The following XPO4 variants were observed in gnomAD, a reference collection of about 807,000 sequenced individuals.
XPO4 encodes exportin-4.
XPO4 carries 39 observed loss-of-function variants against 143.0 expected under a neutral mutation model. The ratio of observed to expected loss-of-function variants is 0.27; its 90% CI spans 0.21 to 0.36. XPO4 has a LOEUF of 0.36. XPO4 is among the 10% of genes least tolerant of loss of function. The pLI, the probability that XPO4 is intolerant of heterozygous loss-of-function variation, is 1.00. For missense variants in XPO4, 907 were observed against 1,348.0 expected, an observed-to-expected ratio of 0.67 and a Z score of 5.12; for synonymous variants, 439 against 474.0, an observed-to-expected ratio of 0.93 and a Z score of 0.96.
At chr13:20,786,914 C>G in intron 22 of XPO4, 51 bp downstream of exon 22, 1 of 1,471,786 alleles carries the variant, frequency 6.8e-7, no homozygotes, top group Non-Finnish European at 9.2e-7. Flanking sequence ...TCAACAATCT[C>G]TTTGCAAAAT....
intron 2 of XPO4, chr13:20,866,216 C>T: frequency 1.0e-6 from 1 of 985,204 alleles, no homozygotes; most frequent in Non-Finnish European, 1.2e-6. Flanking sequence ...AATGCACAAG[C>T]ATGCCACATG....
In XPO4 at chr13:20,862,756, A is replaced by G; in HGVS notation, c.278T>C (p.Leu93Pro). 6.2e-7 allele frequency: 1 copy of G among 1,614,208 alleles called. No individual in the cohort carries two copies. Among genetic ancestry groups the G allele is most frequent in the Non-Finnish European group, 8.5e-7 (1 of 1,180,028 alleles). Residue 93 changes from leucine to proline, a missense_variant, in exon 3 of 23, where the codon CTG becomes CCG. Transcript: ENST00000255305. ...GACATAGGTTAAAAGGAATGTTCGC[A>G]GAGACTCGATGCTACCTTTTTCCAA... The part of the protein sequence containing the change: ...ILLEKGSIES[L>P]RTFLLTYVLQ...
chr13:20,899,806 T>A (rs1185942891), intron 1 of XPO4, among the ~76,000 whole-genome samples: 3 of 152,178 alleles, frequency 2.0e-5, no homozygotes, highest in Non-Finnish European at 4.4e-5. Context: ...ACAGTTAAAA[T>A]ACAGCAATTT....
At chr13:20,836,829 T>C (rs1033178394) in intron 6 of XPO4, among the ~76,000 whole-genome samples, 9 of 152,368 alleles carry the variant, frequency 5.9e-5, no homozygotes, top group Non-Finnish European at 1.2e-4. Context: ...CCTCCTACTT[T>C]GTTCCAATCA....
intron 13 of XPO4, among the ~76,000 whole-genome samples, chr13:20,802,729 C>T (rs2059450891): frequency 6.6e-6 from 1 of 151,992 alleles, no homozygotes; most frequent in Non-Finnish European, 1.5e-5. Context: ...TTTTTATGTT[C>T]CAGTATTTTG....
chr13:20,799,475 G>A lies in XPO4; in HGVS notation c.2148-136C>T. The A allele has an allele frequency of 4.2e-6, 3 of 721,350 alleles. No homozygotes were observed. In the East Asian group the frequency reaches 8.6e-5, roughly 21 times the overall value. The allele number at this position is 721,350 out of a possible 1,614,324, so 44.7% of individuals were successfully genotyped here. On this transcript the variant is annotated intron_variant, in intron 15 of 22. Coordinates refer to ENST00000255305, the MANE Select transcript of XPO4 (RefSeq NM_022459.5). Reference sequence around the variant, plus strand: ...GTTAAAGCAAAGTACAGTAAACTTAGTATAGACTTTGAAGTCACAGGCTTA... The same window carrying A: ...GTTAAAGCAAAGTACAGTAAACTTAATATAGACTTTGAAGTCACAGGCTTA...
chr13:20,812,984 G>C (rs899607844), intron 9 of XPO4, among the ~76,000 whole-genome samples: 6 of 152,308 alleles, frequency 3.9e-5, no homozygotes, highest in Non-Finnish European at 7.4e-5. Flanking sequence ...ATGAAGAAAA[G>C]AGGTTTAATT....
chr13:20,804,151 CACACAATATATATAT>C (rs2059472111), intron 13 of XPO4, among the ~76,000 whole-genome samples: 1 of 130,268 alleles, frequency 7.7e-6, no homozygotes, highest in African/African-American at 2.8e-5. Flanking sequence ...TATATATATA[CACACAATATATATAT>C]ACACACTATA....
chr13:20,866,488 C>T (rs1158374675), intron 2 of XPO4: 1 of 622,960 alleles, frequency 1.6e-6, no homozygotes, highest in Non-Finnish European at 2.0e-6. Context: ...TTCTGAACTG[C>T]GATTGACTGC....
intron 3 of XPO4, among the ~76,000 whole-genome samples, chr13:20,858,162 T>C (rs1456422629): frequency 2.0e-5 from 3 of 150,660 alleles, no homozygotes; most frequent in African/African-American, 7.3e-5. Flanking sequence ...TCACCTAGAT[T>C]AAAAAAAAAC....
chr13:20,804,156 A>T (rs973762751), intron 13 of XPO4, among the ~76,000 whole-genome samples: 4 of 149,920 alleles, frequency 2.7e-5, no homozygotes, highest in Non-Finnish European at 4.4e-5. Context: ...ATATACACAC[A>T]ATATATATAT....
rs2059141185 is a variant in XPO4 at position 20,781,378 on chromosome 13, G to A, written c.*2344C>T. 6.6e-6 allele frequency: 1 copy of A among 152,650 alleles called. No homozygotes were observed. Among genetic ancestry groups the A allele is most frequent in the African/African-American group, 2.4e-5 (1 of 41,448 alleles). The allele number at this position is 152,650 out of a possible 1,614,324, so 9.5% of individuals were successfully genotyped here. ...GAAAAGGTCTAGCCGTTGCAACTCA[G>A]TGGCATCCCCATCACCTAAAAAATG... On this transcript the variant is annotated 3_prime_UTR_variant, in exon 23 of 23. Coordinates refer to ENST00000255305, the MANE Select transcript of XPO4 (RefSeq NM_022459.5).
At chr13:20,898,292 G>A (rs770871219) in intron 1 of XPO4, among the ~76,000 whole-genome samples, 5 of 152,276 alleles carry the variant, frequency 3.3e-5, no homozygotes, top group South Asian at 2.1e-4. Flanking sequence ...GGCCGGGTGC[G>A]GTGGCTCACG....
intron 16 of XPO4, 57 bp from the exon 17 acceptor site, chr13:20,797,114 T>C (rs530694114): frequency 2.7e-6 from 4 of 1,474,842 alleles, no homozygotes; most frequent in Admixed American, 2.3e-5. Flanking sequence ...TTATTTCCTC[T>C]GCTTGGATAC....
chr13:20,807,602 T>A lies in XPO4; in HGVS notation c.1672A>T (p.Thr558Ser). The change falls in exon 13 of 23, where the codon ACT (threonine) becomes TCT (serine). Residue 558 changes from threonine (T) to serine (S), a missense_variant. By Grantham distance (58) the Thr-to-Ser change is moderately conservative. Transcript: ENST00000255305. ...ATTATTTCTGGAGGTATTAGCGGAG[T>A]CTCTCCCTGAGTATCATCAGCTAAG... ...YLLADDTQGE[T>S]PLIPPEIMEY... 6.2e-7 allele frequency: 1 copy of A among 1,609,128 alleles called. No individual in the cohort carries two copies. The highest frequency in any genetic ancestry group is 8.5e-7 in the Non-Finnish European group (1 of 1,178,808).
intron 17 of XPO4, 135 bp downstream of exon 17, chr13:20,796,629 C>A: frequency 2.5e-6 from 2 of 798,772 alleles, no homozygotes; most frequent in Non-Finnish European, 3.4e-6. Context: ...TTTCAAAAAT[C>A]TTTTTTAAAA....
intron 6 of XPO4, among the ~76,000 whole-genome samples, chr13:20,837,666 T>C (rs943486040): frequency 6.6e-6 from 1 of 152,200 alleles, no homozygotes; most frequent in Non-Finnish European, 1.5e-5. Flanking sequence ...AGAGATTTAA[T>C]TGGACTTACA....
intron 1 of XPO4, 137 bp downstream of exon 1, chr13:20,902,533 A>G: frequency 7.6e-7 from 1 of 1,320,890 alleles, no homozygotes; most frequent in Non-Finnish European, 9.7e-7. Context: ...GCGCCACGCC[A>G]CCGCCACCTC....
chr13:20,783,242 G>C lies in XPO4; in HGVS notation c.*480C>G, dbSNP rs574396391. On this transcript the variant is annotated 3_prime_UTR_variant, in exon 23 of 23. Transcript: ENST00000255305. ...CCTGGGCCCAACAACCAGACATTCT[G>C]ACTCTGAAGGTCTACAGTTGGGCCT... 153 of 160,738 alleles carry C rather than the reference G, an allele frequency of 9.5e-4. 3 individuals are homozygous for C. Among genetic ancestry groups the C allele is most frequent in the Admixed American group, 8.5e-4 (14 of 16,402 alleles). 10.0% of individuals were successfully genotyped at this position (160,738 alleles called of 1,614,324 possible).
Sources: gnomAD v4.1 joint callset for allele counts (sites outside exome capture counted in the v4.1 genomes callset) on GRCh38, gnomAD v4.1.1 for gene constraint, MANE v1.5 for transcripts, NCBI Gene and HGNC (gene_info 2026-07-23, HGNC 2026-07-21) for gene names.